CFAP299: variants seen among roughly 807,000 people sequenced by gnomAD.
CFAP299 encodes the protein cilia and flagella associated protein 299, also known as cilia- and flagella-associated protein 299.
A neutral mutation model predicts 27.0 loss-of-function variants in CFAP299; 21 were observed. That is an observed-to-expected ratio of 0.78 (90% CI 0.55 to 1.12). The LOEUF (loss-of-function observed/expected upper bound fraction) is 1.12. CFAP299 is among the 50% of genes most tolerant of loss of function. The probability of loss-of-function intolerance (pLI) is 0.00; values close to 1 mark genes in which losing one functional copy is unlikely to be tolerated. For missense variants in CFAP299, 310 were observed against 276.6 expected (o/e 1.12, Z -0.86); for synonymous variants, 104 against 98.1 (o/e 1.06, Z -0.36).
At chr4:80,533,737 T>C (rs1193789949) in intron 2 of CFAP299, among the ~76,000 whole-genome samples, 2 of 152,152 alleles carry the variant, frequency 1.3e-5, no homozygotes, top group Non-Finnish European at 2.9e-5. Flanking sequence ...TCACTTAGTG[T>C]ACATGCTCCA....
chr4:80,581,453 GATATATATATATATATATATATAT>G (rs70944794), intron 2 of CFAP299, among the ~76,000 whole-genome samples: 1 of 103,032 alleles, frequency 9.7e-6, no homozygotes, highest in South Asian at 3.4e-4. Context: ...TATTAAGTGA[GATATATATATATATATATATATAT>G]ATATATATAT....
At chr4:80,472,423 A>T (rs1160410596) in intron 2 of CFAP299, among the ~76,000 whole-genome samples, 1 of 152,216 alleles carries the variant, frequency 6.6e-6, no homozygotes, top group African/African-American at 2.4e-5. Flanking sequence ...CCCCAAAAAA[A>T]CTATGCTATT....
intron 2 of CFAP299, among the ~76,000 whole-genome samples, chr4:80,436,375 T>A (rs1416352092): frequency 6.6e-6 from 1 of 151,036 alleles, no homozygotes; most frequent in East Asian, 2.0e-4. Flanking sequence ...CTCAGCTCAC[T>A]GTAAGCTCCG....
intron 2 of CFAP299, among the ~76,000 whole-genome samples, chr4:80,398,804 C>T (rs944256714): frequency 3.9e-5 from 6 of 152,152 alleles, no homozygotes; most frequent in East Asian, 3.9e-4. Flanking sequence ...TCTAAAACAC[C>T]GAAAGCAATG....
intron 2 of CFAP299, among the ~76,000 whole-genome samples, chr4:80,522,070 A>G (rs949266260): frequency 1.3e-5 from 2 of 152,076 alleles, no homozygotes; most frequent in African/African-American, 4.8e-5. Flanking sequence ...GTACCATTTT[A>G]TATAATTCCC....
At position 80,869,678 on chromosome 4, in the gene CFAP299, T is replaced by G. The variant is rs538285805; in HGVS notation, c.334-315T>G. ...ATAGGCGCCCTCCACCACGCCCGGC[T>G]AATTTTTTGTATTTTAGTAGAGATG... is the stretch of plus-strand genomic sequence containing the variant. On this transcript the variant is annotated intron_variant, in intron 3 of 5. Transcript: ENST00000358105. Among the ~76,000 whole-genome samples the G allele has an allele frequency of 2.2e-4, 34 of 152,260 alleles. No homozygotes were observed. In the South Asian group the frequency reaches 7.1e-3, roughly 32 times the overall value.
chr4:80,520,007 A>G (rs947548168), intron 2 of CFAP299, among the ~76,000 whole-genome samples: 1 of 152,158 alleles, frequency 6.6e-6, no homozygotes, highest in East Asian at 1.9e-4. Flanking sequence ...GAGCTATACA[A>G]GAGAGGCTTT....
chr4:80,633,187 G>A (rs1739301679), intron 3 of CFAP299, among the ~76,000 whole-genome samples: 1 of 152,126 alleles, frequency 6.6e-6, no homozygotes, highest in African/African-American at 2.4e-5. Flanking sequence ...GGTGGCTCAC[G>A]CCTGTAATCC....
chr4:80,775,796 G>A (rs1274829321), intron 3 of CFAP299, among the ~76,000 whole-genome samples: 1 of 152,152 alleles, frequency 6.6e-6, no homozygotes, highest in Non-Finnish European at 1.5e-5. Flanking sequence ...CAAAATGGTT[G>A]TAAGAAGTGA....
intron 3 of CFAP299, among the ~76,000 whole-genome samples, chr4:80,628,025 C>T (rs994942054): frequency 2.6e-5 from 4 of 151,816 alleles, no homozygotes; most frequent in Non-Finnish European, 5.9e-5. Context: ...CCTGAAAAGC[C>T]AAAGCATTTT....
chr4:80,608,360 C>T, intron 3 of CFAP299: 3 of 1,531,652 alleles, frequency 2.0e-6, no homozygotes, highest in Non-Finnish European at 2.6e-6. Context: ...TGATGCTGCT[C>T]ATATCTTGAA....
intron 3 of CFAP299, among the ~76,000 whole-genome samples, chr4:80,644,886 AAG>A (rs1255134161): frequency 1.3e-5 from 2 of 152,148 alleles, no homozygotes; most frequent in African/African-American, 4.8e-5. Context: ...AGCAGAAAAA[AAG>A]AATATTAGAT....
At chr4:80,378,319 T>A (rs1724525005) in intron 2 of CFAP299, among the ~76,000 whole-genome samples, 1 of 152,204 alleles carries the variant, frequency 6.6e-6, no homozygotes, top group African/African-American at 2.4e-5. Flanking sequence ...TTCTACTGGC[T>A]ATTTTTTGTG....
chr4:80,910,113 A>T (rs1259387024), intron 4 of CFAP299, among the ~76,000 whole-genome samples: 1 of 152,160 alleles, frequency 6.6e-6, no homozygotes, highest in Non-Finnish European at 1.5e-5. Context: ...TTCACATCTA[A>T]ACTTTACCCC....
intron 3 of CFAP299, among the ~76,000 whole-genome samples, chr4:80,687,146 C>A (rs901564278): frequency 5.9e-5 from 9 of 152,166 alleles, no homozygotes; most frequent in African/African-American, 1.9e-4. Context: ...TCCACTCAAG[C>A]CAGTACATCC....
At chr4:80,930,328 G>A (rs984977823) in intron 4 of CFAP299, among the ~76,000 whole-genome samples, 1 of 152,140 alleles carries the variant, frequency 6.6e-6, no homozygotes. Context: ...TAATAAACCA[G>A]TGAATGTGTT....
At chr4:80,535,494 C>CAAAAAAAAA (rs143122836) in intron 2 of CFAP299, among the ~76,000 whole-genome samples, 2 of 33,278 alleles carry the variant, frequency 6.0e-5, no homozygotes, top group Non-Finnish European at 8.2e-5. Context: ...GACTCCGTCT[C>CAAAAAAAAA]AAAAAAAAAA....
intron 2 of CFAP299, among the ~76,000 whole-genome samples, chr4:80,513,115 A>G (rs1479090079): frequency 6.6e-6 from 1 of 152,184 alleles, no homozygotes; most frequent in Non-Finnish European, 1.5e-5. Flanking sequence ...TGGCTTAGAT[A>G]GCCCCAGTTT....
At chr4:80,855,220 T>C (rs1164562344) in intron 3 of CFAP299, among the ~76,000 whole-genome samples, 1 of 152,140 alleles carries the variant, frequency 6.6e-6, no homozygotes, top group Non-Finnish European at 1.5e-5. Context: ...ATTATATGCA[T>C]ACACATTTGT....
Sources: gnomAD v4.1 joint callset for allele counts (sites outside exome capture counted in the v4.1 genomes callset) on GRCh38, gnomAD v4.1.1 for gene constraint, MANE v1.5 for transcripts, NCBI Gene and HGNC (gene_info 2026-07-23, HGNC 2026-07-21) for gene names.